The following VIT variants were observed in gnomAD, a reference collection of about 807,000 sequenced individuals.
The protein encoded by VIT is vitrin.
In VIT, 99 loss-of-function variants were observed where a neutral mutation model predicts 78.0. That is an observed-to-expected ratio of 1.27 (90% CI 1.08 to 1.50). The LOEUF is 1.50. Among genes scored for constraint, VIT ranks in the 40% most tolerant of loss-of-function variants. The probability of loss-of-function intolerance (pLI) is 0.00; values close to 1 mark genes in which losing one functional copy is unlikely to be tolerated. For missense variants in VIT, 1,126 were observed against 875.3 expected, an observed-to-expected ratio of 1.29 and a Z score of -3.61; for synonymous variants, 374 against 334.3, an observed-to-expected ratio of 1.12 and a Z score of -1.29.
At chr2:36,759,646 C>A (rs781170281) in intron 6 of VIT, 1 of 989,950 alleles carries the variant, frequency 1.0e-6, no homozygotes, top group Non-Finnish European at 1.2e-6. Flanking sequence ...TTTTGATTTC[C>A]CACACAAAGA....
chr2:36,715,572 C>T (rs1028138795), intron 1 of VIT, among the ~76,000 whole-genome samples: 4 of 151,698 alleles, frequency 2.6e-5, no homozygotes, highest in Admixed American at 6.6e-5. Flanking sequence ...TTAAGAAGCC[C>T]GACTCAAAAC....
chr2:36,766,371 A>C (rs1414596251), intron 6 of VIT, among the ~76,000 whole-genome samples: 1 of 152,144 alleles, frequency 6.6e-6, no homozygotes, highest in African/African-American at 2.4e-5. Flanking sequence ...TCTACAAAAA[A>C]AAAATTTTAA....
chr2:36,705,031 A>C (rs558165838), intron 1 of VIT, among the ~76,000 whole-genome samples: 1 of 152,216 alleles, frequency 6.6e-6, no homozygotes, highest in Non-Finnish European at 1.5e-5. Flanking sequence ...GGCAACTACA[A>C]ACCTCAAAGC....
chr2:36,741,365 G>T (rs1303452812), intron 3 of VIT, among the ~76,000 whole-genome samples: 2 of 152,198 alleles, frequency 1.3e-5, no homozygotes, highest in Non-Finnish European at 2.9e-5. Flanking sequence ...ACTGTTTGAA[G>T]CACAGCGCTC....
chr2:36,810,011 G>A (rs1667037829), intron 15 of VIT, among the ~76,000 whole-genome samples: 1 of 122,776 alleles, frequency 8.1e-6, no homozygotes, highest in Admixed American at 7.4e-5. Context: ...AAAAAAAAGG[G>A]CCAGGCACAA....
At chr2:36,781,389 C>A (rs139783485) in intron 9 of VIT, among the ~76,000 whole-genome samples, 1 of 152,202 alleles carries the variant, frequency 6.6e-6, no homozygotes, top group Non-Finnish European at 1.5e-5. Context: ...TAGCCAGCCA[C>A]TCACAGGCCA....
At chr2:36,779,601 C>T (rs1336021162) in intron 9 of VIT, among the ~76,000 whole-genome samples, 1 of 152,148 alleles carries the variant, frequency 6.6e-6, no homozygotes, top group African/African-American at 2.4e-5. Context: ...ATTAGCTATT[C>T]TTCCTGATGC....
chr2:36,809,095 TTAA>T (rs1324259995), intron 15 of VIT, 110 bp downstream of exon 15: 2 of 1,412,604 alleles, frequency 1.4e-6, no homozygotes, highest in Non-Finnish European at 1.9e-6. Flanking sequence ...TTTCTGCGAC[TTAA>T]TAAAAATGTT....
chr2:36,743,433 T>C (rs1425944642), intron 4 of VIT, among the ~76,000 whole-genome samples, 177 bp downstream of exon 4: 2 of 152,222 alleles, frequency 1.3e-5, no homozygotes, highest in African/African-American at 4.8e-5. Flanking sequence ...TAGCCAACAG[T>C]TGTTTTTTTC....
intron 12 of VIT, among the ~76,000 whole-genome samples, chr2:36,788,319 G>A (rs1665250814): frequency 6.6e-6 from 1 of 152,156 alleles, no homozygotes; most frequent in Non-Finnish European, 1.5e-5. Flanking sequence ...TTTTAACAAA[G>A]TTTGCTCTAT....
At chr2:36,742,309 A>G (rs79550903) in intron 3 of VIT, among the ~76,000 whole-genome samples, 1,770 of 152,308 alleles carry the variant, frequency 0.012, 31 homozygotes, top group African/African-American at 0.04. Flanking sequence ...CTACTGGATG[A>G]AGTGAGGCTG....
At chr2:36,709,965 C>A (rs1187991269) in intron 1 of VIT, among the ~76,000 whole-genome samples, 2 of 152,170 alleles carry the variant, frequency 1.3e-5, no homozygotes, top group African/African-American at 2.4e-5. Context: ...GAAGCTGATC[C>A]TTTCCAACTG....
intron 6 of VIT, among the ~76,000 whole-genome samples, chr2:36,761,654 C>G (rs1469073106): frequency 6.6e-6 from 1 of 152,008 alleles, no homozygotes; most frequent in Non-Finnish European, 1.5e-5. Context: ...GCAGGAGAAT[C>G]ACTTGAACCC....
chr2:36,707,412 A>G (rs1212112015), intron 1 of VIT, among the ~76,000 whole-genome samples: 1 of 152,122 alleles, frequency 6.6e-6, no homozygotes, highest in African/African-American at 2.4e-5. Context: ...CTCTCCCCAA[A>G]AAACACAGGC....
intron 12 of VIT, among the ~76,000 whole-genome samples, 183 bp from the exon 13 acceptor site, chr2:36,801,118 T>A (rs1666291709): frequency 6.6e-6 from 1 of 152,236 alleles, no homozygotes; most frequent in Non-Finnish European, 1.5e-5. Flanking sequence ...ACACGCCTTC[T>A]GAGCCTTGAA....
chr2:36,739,992 T>C (rs1667741384), intron 3 of VIT, among the ~76,000 whole-genome samples: 1 of 152,256 alleles, frequency 6.6e-6, no homozygotes, highest in Admixed American at 6.5e-5. Flanking sequence ...AGGTTAGCTG[T>C]GGGGACACAG....
intron 1 of VIT, among the ~76,000 whole-genome samples, chr2:36,708,110 T>TCCCCCCCCC (rs141908586): frequency 3.6e-4 from 49 of 137,760 alleles, no homozygotes; most frequent in Non-Finnish European, 5.1e-4. Flanking sequence ...GTAAAGGACC[T>TCCCCCCCCC]CCCCCCCCCG....
intron 1 of VIT, among the ~76,000 whole-genome samples, chr2:36,712,249 C>G (rs1049789068): frequency 1.3e-5 from 2 of 152,190 alleles, no homozygotes; most frequent in African/African-American, 2.4e-5. Flanking sequence ...AAAGAAACTT[C>G]ACGTATTCTA....
At chr2:36,742,243 A>G (rs1283448772) in intron 3 of VIT, among the ~76,000 whole-genome samples, 1 of 152,174 alleles carries the variant, frequency 6.6e-6, no homozygotes, top group Non-Finnish European at 1.5e-5. Flanking sequence ...GATACAGTCA[A>G]TAGAGCATCT....
Sources: gnomAD v4.1 joint callset for allele counts (sites outside exome capture counted in the v4.1 genomes callset) on GRCh38, gnomAD v4.1.1 for gene constraint, MANE v1.5 for transcripts, NCBI Gene and HGNC (gene_info 2026-07-23, HGNC 2026-07-21) for gene names.